Variants in MBOAT2 observed in about 807,000 individuals in gnomAD.
MBOAT2 encodes the protein membrane bound glycerophospholipid O-acyltransferase 2.
MBOAT2 carries 28 observed loss-of-function variants against 63.4 expected under a neutral mutation model. The ratio of observed to expected loss-of-function variants is 0.44; its 90% confidence interval spans 0.33 to 0.61. The LOEUF (loss-of-function observed/expected upper bound fraction) is 0.61, where lower values mean the gene tolerates loss of function less well. Ranked by LOEUF, MBOAT2 falls within the 20% of genes least tolerant of loss-of-function variation. The pLI is 0.03. For synonymous variants in MBOAT2, 211 were observed against 215.6 expected (o/e 0.98, Z 0.19); for missense variants, 470 against 605.8 (o/e 0.78, Z 2.35).
rs1439491050 is a variant in MBOAT2, at chr2:8,997,154, C to T, written c.75+6386G>A. Among the ~76,000 whole-genome samples the T allele has an allele frequency of 2.6e-5, 4 of 152,148 alleles. No homozygotes were observed. The East Asian group carries it at 5.8e-4, about 22-fold the overall frequency. ...GCACGCATAAAAATCATTAAAAGACCACTCTGCTGAGGGTCGTATTTATGG... is the reference window on the plus strand; with the variant it reads ...GCACGCATAAAAATCATTAAAAGACTACTCTGCTGAGGGTCGTATTTATGG... On this transcript the variant is annotated intron_variant, in intron 1 of 12. Coordinates refer to ENST00000305997, the MANE Select transcript of MBOAT2 (RefSeq NM_138799.4).
intron 3 of MBOAT2, among the ~76,000 whole-genome samples, chr2:8,932,813 C>T (rs1284792832): frequency 1.3e-5 from 2 of 151,600 alleles, no homozygotes; most frequent in African/African-American, 4.8e-5. Flanking sequence ...CATTCAAATT[C>T]CAAAGTCAAA....
chr2:8,936,006 G>A (rs975471282), intron 3 of MBOAT2, among the ~76,000 whole-genome samples: 3 of 152,088 alleles, frequency 2.0e-5, no homozygotes, highest in African/African-American at 4.8e-5. Flanking sequence ...TCTGTAAATC[G>A]TTTGTAACTT....
At chr2:8,893,064 AG>A (rs1664129438) in intron 4 of MBOAT2, among the ~76,000 whole-genome samples, 1 of 23,228 alleles carries the variant, frequency 4.3e-5, no homozygotes, top group African/African-American at 1.7e-4. Flanking sequence ...AGGCAGGGGG[AG>A]GGGGTGGGGG....
intron 3 of MBOAT2, among the ~76,000 whole-genome samples, chr2:8,936,092 G>GC (rs1218038382): frequency 6.6e-6 from 1 of 152,132 alleles, no homozygotes; most frequent in African/African-American, 2.4e-5. Context: ...CCTCCAGGAT[G>GC]CCCCCCAGCC....
At chr2:8,988,852 T>A (rs1671739541) in intron 1 of MBOAT2, among the ~76,000 whole-genome samples, 1 of 152,122 alleles carries the variant, frequency 6.6e-6, no homozygotes, top group Non-Finnish European at 1.5e-5. Flanking sequence ...TCATGCATAA[T>A]AATATCCATA....
intron 1 of MBOAT2, among the ~76,000 whole-genome samples, chr2:8,994,824 G>C (rs1480995058): frequency 6.6e-6 from 1 of 152,170 alleles, no homozygotes; most frequent in East Asian, 1.9e-4. Context: ...TGAAAAATAC[G>C]GATCTGCCAA....
At chr2:8,904,403 C>T (rs571002456) in intron 4 of MBOAT2, among the ~76,000 whole-genome samples, 43 of 152,024 alleles carry the variant, frequency 2.8e-4, no homozygotes, top group Non-Finnish European at 5.6e-4. Context: ...CCTCAACCTC[C>T]GAAACTCAAG....
Position 8,855,024 on chromosome 2 carries a change from G to T in MBOAT2, c.*3655C>A, listed in dbSNP as rs1052548766. 3 of 152,178 alleles carry T rather than the reference G, an allele frequency of 2.0e-5. No homozygotes were observed. The highest frequency in any genetic ancestry group is 7.2e-5 in the African/African-American group (3 of 41,436). The allele number at this position is 152,178 out of a possible 1,614,324, so 9.4% of individuals were successfully genotyped here. ...AGGAAAACATGTTTTCTTCAGCAGAGACTATTTCATTATGAAACACTCATT... is the reference window on the plus strand; with the variant it reads ...AGGAAAACATGTTTTCTTCAGCAGATACTATTTCATTATGAAACACTCATT... On this transcript the variant is annotated 3_prime_UTR_variant, in exon 13 of 13. Coordinates refer to ENST00000305997, the MANE Select transcript of MBOAT2 (RefSeq NM_138799.4).
intron 3 of MBOAT2, among the ~76,000 whole-genome samples, chr2:8,931,542 G>C (rs993776912): frequency 1.3e-5 from 2 of 152,142 alleles, no homozygotes; most frequent in African/African-American, 4.8e-5. Flanking sequence ...TAGGTGGACT[G>C]TTCACTCTGA....
chr2:8,973,870 T>C (rs1670634332), intron 1 of MBOAT2, among the ~76,000 whole-genome samples: 1 of 152,184 alleles, frequency 6.6e-6, no homozygotes, highest in Non-Finnish European at 1.5e-5. Flanking sequence ...AAGTATTTAA[T>C]ATATACTGAC....
chr2:8,890,720 A>G (rs1286545269), intron 4 of MBOAT2, among the ~76,000 whole-genome samples: 1 of 152,024 alleles, frequency 6.6e-6, no homozygotes, highest in African/African-American at 2.4e-5. Context: ...GGGTTTTGCT[A>G]TGTTGCCCAG....
chr2:8,912,373 G>GAAAGAGAAAGAAAGAAAGAA (rs67420836), intron 3 of MBOAT2, among the ~76,000 whole-genome samples: 20 of 84,348 alleles, frequency 2.4e-4, no homozygotes, highest in East Asian at 3.4e-4. Context: ...AAGAAAGAAA[G>GAAAGAGAAAGAAAGAAAGAA]AGAAAGAAAG....
At position 8,858,824 on chromosome 2, in the gene MBOAT2, T is replaced by C; in HGVS notation, c.1418A>G (p.Asn473Ser). The C allele has an allele frequency of 6.2e-7, 1 of 1,614,012 alleles. No individual in the cohort carries two copies. Among genetic ancestry groups the C allele is most frequent in the Non-Finnish European group, 8.5e-7 (1 of 1,179,992 alleles). ...LPVKKTQRRKNTHENIQLSQS... is the reference protein window; with the variant it reads ...LPVKKTQRRKSTHENIQLSQS... ...TGAGAGCTGAATGTTTTCATGTGTA[T>C]TCTTTCTTCTTTGAGTTTTTTTCAC... Residue 473 changes from asparagine (N) to serine (S), a missense_variant, in exon 13 of 13, where the codon AAT becomes AGT. Around this residue, in one of 3 missense-constraint regions of MBOAT2, gnomAD observed 90 missense variants for 84.9 expected, o/e 1.06. Coordinates refer to ENST00000305997, the MANE Select transcript of MBOAT2 (RefSeq NM_138799.4).
In MBOAT2 at chr2:8,902,311, C is replaced by G. The variant is rs201119209; in HGVS notation, c.395+6310G>C. ...GAAAGGGGTCCGATGGTACTCACCA[C>G]TTGGCGATAATCAGTGGTCCCTTTG... On this transcript the variant is annotated intron_variant, in intron 4 of 12. Coordinates refer to ENST00000305997, the MANE Select transcript of MBOAT2 (RefSeq NM_138799.4). Among the ~76,000 whole-genome samples, 4 of 152,210 alleles carry G rather than the reference C, an allele frequency of 2.6e-5. No individual in the cohort carries two copies. In the East Asian group the frequency reaches 7.7e-4, roughly 29 times the overall value.
chr2:8,927,505 C>G (rs772611282), intron 3 of MBOAT2, among the ~76,000 whole-genome samples: 25 of 152,192 alleles, frequency 1.6e-4, no homozygotes, highest in Middle Eastern at 3.2e-3. Context: ...GAAATCATAA[C>G]TGCAGTAGCT....
intron 4 of MBOAT2, among the ~76,000 whole-genome samples, chr2:8,905,690 G>GA (rs1389599813): frequency 2.6e-5 from 4 of 152,164 alleles, no homozygotes; most frequent in Non-Finnish European, 5.9e-5. Context: ...AGCATTAGGA[G>GA]AAATACCTAA....
chr2:8,941,648 T>G (rs1668058906), intron 3 of MBOAT2, among the ~76,000 whole-genome samples: 1 of 148,392 alleles, frequency 6.7e-6, no homozygotes, highest in Admixed American at 6.7e-5. Context: ...AGACTCCGTC[T>G]CAAAGGAAAA....
intron 7 of MBOAT2, among the ~76,000 whole-genome samples, chr2:8,875,003 T>C (rs1282174912): frequency 6.6e-6 from 1 of 152,234 alleles, no homozygotes; most frequent in African/African-American, 2.4e-5. Context: ...GTCCCACATA[T>C]AACATAAAAA....
At position 8,862,210 on chromosome 2, in the gene MBOAT2, T is replaced by C. The variant is rs1572906636; in HGVS notation, c.1185+380A>G. 1 of 1,029,720 alleles carries C rather than the reference T, an allele frequency of 9.7e-7. No individual in the cohort carries two copies. The highest frequency in any genetic ancestry group is 1.3e-6 in the Non-Finnish European group (1 of 777,504). 63.8% of individuals were successfully genotyped at this position (1,029,720 alleles called of 1,614,324 possible). A position where few individuals can be genotyped will look rare whatever the true frequency, so the allele number is the denominator to read the frequency against. On this transcript the variant is annotated intron_variant, in intron 11 of 12. Transcript: ENST00000305997. This position sits in a 1 kb window ranked among gnomAD's most constrained non-coding sequence, Gnocchi z 4.3. ...TGTCTTGGCCTCGCACAGCCTAGTCTTCATCTGAGAGAGGACTCAAAGGTT... is the reference window on the plus strand; with the variant it reads ...TGTCTTGGCCTCGCACAGCCTAGTCCTCATCTGAGAGAGGACTCAAAGGTT...
Sources: gnomAD v4.1 joint callset for allele counts (sites outside exome capture counted in the v4.1 genomes callset) on GRCh38, gnomAD v4.1.1 for gene constraint, gnomAD v4.1.1 regional missense constraint, Gnocchi (gnomAD v3.1) non-coding constraint, MANE v1.5 for transcripts, NCBI Gene and HGNC (gene_info 2026-07-23, HGNC 2026-07-21) for gene names.